Variants in NCKAP5 observed in about 807,000 individuals in gnomAD.
NCKAP5 encodes nck-associated protein 5.
In NCKAP5, 92 loss-of-function variants were observed where a neutral mutation model predicts 167.0. The observed-to-expected ratio is 0.55, with a 90% CI of 0.47 to 0.66. NCKAP5 has a LOEUF of 0.66. Among genes scored for constraint, NCKAP5 ranks in the 30% least tolerant of loss-of-function variants. The pLI is 0.00. For missense variants in NCKAP5, 2,378 were observed against 2,315.0 expected (o/e 1.03, Z -0.56); for synonymous variants, 891 against 877.4 (o/e 1.02, Z -0.27).
chr2:132,941,188 C>T (rs191058421), intron 8 of NCKAP5, among the ~76,000 whole-genome samples: 73 of 152,222 alleles, frequency 4.8e-4, no homozygotes, highest in Non-Finnish European at 9.0e-4. Flanking sequence ...CTATTTCTGG[C>T]AGAAAAACAA....
the NCKAP5 span, among the ~76,000 whole-genome samples, chr2:133,592,134 G>A: frequency 6.6e-6 from 1 of 152,012 alleles, no homozygotes; most frequent in African/African-American, 2.4e-5. Flanking sequence ...CTAATTTCAG[G>A]ACATACTATC....
At chr2:133,269,679 G>A (rs974784791) in intron 4 of NCKAP5, among the ~76,000 whole-genome samples, 3 of 152,162 alleles carry the variant, frequency 2.0e-5, no homozygotes, top group African/African-American at 4.8e-5. Context: ...AAATGACAGC[G>A]GAGGACACAA....
At chr2:133,164,935 G>A (rs2083938954) in intron 5 of NCKAP5, among the ~76,000 whole-genome samples, 1 of 152,234 alleles carries the variant, frequency 6.6e-6, no homozygotes, top group Non-Finnish European at 1.5e-5. Flanking sequence ...GCCTGGCTTT[G>A]TGCTGTTAAC....
chr2:133,230,668 C>T (rs1028062598), intron 4 of NCKAP5, among the ~76,000 whole-genome samples: 1 of 152,152 alleles, frequency 6.6e-6, no homozygotes, highest in African/African-American at 2.4e-5. Context: ...AGGCTCCAGA[C>T]AGCTTTCCTT....
the NCKAP5 span, among the ~76,000 whole-genome samples, chr2:133,667,653 TA>T: frequency 2.0e-5 from 3 of 152,044 alleles, no homozygotes; most frequent in Non-Finnish European, 4.4e-5. Context: ...AATTGTAAAA[TA>T]TTTGATATAT....
At chr2:132,808,568 T>G (rs185095932) in intron 11 of NCKAP5, among the ~76,000 whole-genome samples, 1 of 152,152 alleles carries the variant, frequency 6.6e-6, no homozygotes, top group Non-Finnish European at 1.5e-5. Flanking sequence ...ACAGCAGCCT[T>G]AATTGATCTT....
At chr2:133,466,344 G>C (rs1397446262) in intron 3 of NCKAP5, among the ~76,000 whole-genome samples, 5 of 149,840 alleles carry the variant, frequency 3.3e-5, no homozygotes, top group Admixed American at 1.3e-4. Flanking sequence ...ATTTCTGAGG[G>C]CTCTGTTCTG....
chr2:133,189,865 A>G (rs1201169657), intron 5 of NCKAP5, among the ~76,000 whole-genome samples: 1 of 152,174 alleles, frequency 6.6e-6, no homozygotes, highest in African/African-American at 2.4e-5. Context: ...AACTGGCACA[A>G]GACAGGGATG....
At chr2:133,400,093 A>AC (rs561633815) in intron 3 of NCKAP5, among the ~76,000 whole-genome samples, 42 of 152,256 alleles carry the variant, frequency 2.8e-4, no homozygotes, top group Non-Finnish European at 5.7e-4. Context: ...ATATCCAAAT[A>AC]CCCCCACTCC....
At chr2:132,780,182 C>T (rs188906840) in intron 15 of NCKAP5, among the ~76,000 whole-genome samples, 30 of 152,232 alleles carry the variant, frequency 2.0e-4, no homozygotes, top group Admixed American at 1.1e-3. Context: ...GAAGGAGTTT[C>T]GCTCTGTCGC....
intron 5 of NCKAP5, among the ~76,000 whole-genome samples, chr2:133,197,373 G>T (rs780216376): frequency 7.2e-5 from 11 of 152,278 alleles, no homozygotes; most frequent in Non-Finnish European, 1.5e-4. Context: ...CCCACAGAAG[G>T]CAGGTCAGAA....
At chr2:132,678,100 C>T (rs1274965112) in intron 19 of NCKAP5, among the ~76,000 whole-genome samples, 2 of 152,042 alleles carry the variant, frequency 1.3e-5, no homozygotes, top group Non-Finnish European at 2.9e-5. Context: ...GATATGGACC[C>T]TTGCCATAAT....
chr2:133,175,401 G>A (rs775896478), intron 5 of NCKAP5, among the ~76,000 whole-genome samples: 8 of 152,066 alleles, frequency 5.3e-5, no homozygotes, highest in Non-Finnish European at 7.4e-5. Flanking sequence ...CCAGATTTGA[G>A]TCATAATTAG....
intron 10 of NCKAP5, among the ~76,000 whole-genome samples, chr2:132,866,896 T>C (rs1007309057): frequency 6.6e-6 from 1 of 152,170 alleles, no homozygotes; most frequent in Non-Finnish European, 1.5e-5. Context: ...AAAAGAAATT[T>C]TAGTCTTTTT....
At chr2:132,823,878 T>C (rs1319369866) in intron 11 of NCKAP5, among the ~76,000 whole-genome samples, 1 of 151,984 alleles carries the variant, frequency 6.6e-6, no homozygotes, top group Admixed American at 6.6e-5. Context: ...TCCATGCAGA[T>C]GGAAACCAAA....
intron 6 of NCKAP5, among the ~76,000 whole-genome samples, chr2:133,003,810 T>C (rs1020818072): frequency 2.0e-5 from 3 of 152,210 alleles, no homozygotes; most frequent in African/African-American, 7.2e-5. Context: ...CGAAAGATGC[T>C]AGTCCAATTT....
At chr2:133,549,559 C>A (rs1244398057) in intron 2 of NCKAP5, among the ~76,000 whole-genome samples, 3 of 150,444 alleles carry the variant, frequency 2.0e-5, no homozygotes, top group African/African-American at 7.4e-5. Context: ...AGAACAAAGA[C>A]ACAACATACC....
chr2:133,626,571 ATAT>A, the NCKAP5 span, among the ~76,000 whole-genome samples: 1 of 152,126 alleles, frequency 6.6e-6, no homozygotes, highest in African/African-American at 2.4e-5. Flanking sequence ...AAGTATAAAG[ATAT>A]TATGACACAA....
chr2:133,026,902 T>C (rs984998856), intron 6 of NCKAP5, among the ~76,000 whole-genome samples: 2 of 152,232 alleles, frequency 1.3e-5, no homozygotes, highest in African/African-American at 4.8e-5. Context: ...TAGCATCACA[T>C]GCAACTCAAT....
Sources: allele counts gnomAD v4.1 joint callset (sites outside exome capture counted in the v4.1 genomes callset), GRCh38; gene constraint gnomAD v4.1.1; transcripts MANE v1.5; gene names NCBI Gene and HGNC (gene_info 2026-07-23, HGNC 2026-07-21).